FHIP1A: variants seen among roughly 807,000 people sequenced by gnomAD.
FHIP1A encodes the protein FHF complex subunit HOOK interacting protein 1A, also known as FHF complex subunit HOOK-interacting protein 1A.
A neutral mutation model predicts 88.6 loss-of-function variants in FHIP1A; 61 were observed. The observed-to-expected ratio is 0.69, with a 90% CI of 0.56 to 0.85. The LOEUF (loss-of-function observed/expected upper bound fraction) is 0.85. Among genes scored for constraint, FHIP1A ranks in the 40% least tolerant of loss-of-function variants. FHIP1A has a pLI of 0.00. For missense variants in FHIP1A, 1,154 were observed against 1,273.5 expected, an observed-to-expected ratio of 0.91 and a Z score of 1.43; for synonymous variants, 478 against 496.0, an observed-to-expected ratio of 0.96 and a Z score of 0.48.
intron 8 of FHIP1A, among the ~76,000 whole-genome samples, chr4:151,634,082 A>G (rs1000192895): frequency 6.6e-6 from 1 of 151,904 alleles, no homozygotes; most frequent in African/African-American, 2.4e-5. Context: ...CAGTAAAGTT[A>G]CAGGATACAA....
At chr4:151,574,124 A>C (rs151018848) in intron 4 of FHIP1A, among the ~76,000 whole-genome samples, 1 of 152,342 alleles carries the variant, frequency 6.6e-6, no homozygotes, top group African/African-American at 2.4e-5. Flanking sequence ...GAGAGAGGTT[A>C]AGGACATGTG....
intron 2 of FHIP1A, among the ~76,000 whole-genome samples, chr4:151,462,857 G>A (rs935320137): frequency 6.6e-6 from 1 of 152,164 alleles, no homozygotes; most frequent in Non-Finnish European, 1.5e-5. Flanking sequence ...GTCTTTTCTG[G>A]ATGGCTTATT....
At chr4:151,477,021 T>C (rs947704499) in intron 2 of FHIP1A, among the ~76,000 whole-genome samples, 9 of 152,184 alleles carry the variant, frequency 5.9e-5, no homozygotes, top group Non-Finnish European at 2.9e-5. Flanking sequence ...ATCATATTCT[T>C]GGATGTGAAG....
At chr4:151,588,185 G>C (rs1734290769) in intron 6 of FHIP1A, among the ~76,000 whole-genome samples, 1 of 151,724 alleles carries the variant, frequency 6.6e-6, no homozygotes, top group Non-Finnish European at 1.5e-5. Context: ...ATTTATGAAA[G>C]ATATTAGTAG....
rs13148647 is a variant in FHIP1A, at chr4:151,412,687, C to T, written c.-356+3222C>T. Among the ~76,000 whole-genome samples, 405 of 95,824 alleles carry T rather than the reference C, an allele frequency of 4.2e-3. 1 individual carries two copies. Among genetic ancestry groups the T allele is most frequent in the Admixed American group, 0.014 (111 of 8,144 alleles). 62.9% of individuals were successfully genotyped at this position (95,824 alleles called of 152,430 possible). ...TCTTTCTCTCTCTCTCTCTTTCTTTCTTTTTTTTTTTTTTTTGATGGAGTT... is the reference window on the plus strand; with the variant it reads ...TCTTTCTCTCTCTCTCTCTTTCTTTTTTTTTTTTTTTTTTTTGATGGAGTT... On this transcript the variant is annotated intron_variant, in intron 1 of 13. Coordinates refer to ENST00000435205, the MANE Select transcript of FHIP1A (RefSeq NM_001109977.3).
intron 3 of FHIP1A, among the ~76,000 whole-genome samples, chr4:151,512,661 G>A (rs960052602): frequency 4.6e-5 from 7 of 152,200 alleles, no homozygotes; most frequent in African/African-American, 1.7e-4. Flanking sequence ...GAATGCAGAA[G>A]CCTCAGGAGC....
intron 3 of FHIP1A, among the ~76,000 whole-genome samples, chr4:151,506,412 C>T (rs190767658): frequency 7.2e-5 from 11 of 152,194 alleles, no homozygotes; most frequent in African/African-American, 2.6e-4. Context: ...TAAAGAAATA[C>T]CTGAGGCCGA....
intron 3 of FHIP1A, among the ~76,000 whole-genome samples, chr4:151,504,711 T>C (rs1212571571): frequency 6.6e-6 from 1 of 152,126 alleles, no homozygotes; most frequent in Non-Finnish European, 1.5e-5. Context: ...AACCTCTGCC[T>C]CCTGGGTTCC....
At chr4:151,598,654 T>A (rs1487731558) in intron 7 of FHIP1A, among the ~76,000 whole-genome samples, 4 of 152,204 alleles carry the variant, frequency 2.6e-5, no homozygotes, top group African/African-American at 9.7e-5. Flanking sequence ...GTCTCATAAA[T>A]AATATAAATA....
intron 3 of FHIP1A, among the ~76,000 whole-genome samples, chr4:151,544,883 C>G (rs576355742): frequency 7.9e-5 from 12 of 152,062 alleles, no homozygotes; most frequent in Non-Finnish European, 1.8e-4. Flanking sequence ...TTGAGACCAG[C>G]CTGGGTAACA....
At chr4:151,575,487 G>T (rs994789401) in intron 4 of FHIP1A, among the ~76,000 whole-genome samples, 1 of 152,192 alleles carries the variant, frequency 6.6e-6, no homozygotes, top group African/African-American at 2.4e-5. Flanking sequence ...TTGTAGGATA[G>T]TGGGTGCACT....
At chr4:151,607,037 G>C (rs1214801696) in intron 7 of FHIP1A, among the ~76,000 whole-genome samples, 1 of 152,168 alleles carries the variant, frequency 6.6e-6, no homozygotes, top group South Asian at 2.1e-4. Flanking sequence ...GGGGAAGTTG[G>C]GGATTCTTAA....
intron 3 of FHIP1A, among the ~76,000 whole-genome samples, chr4:151,516,805 G>C (rs1001371687): frequency 6.6e-6 from 1 of 151,462 alleles, no homozygotes; most frequent in Non-Finnish European, 1.5e-5. Context: ...GGAAACAACA[G>C]GTGCTGGAGA....
At chr4:151,446,152 A>G (rs2724578) in intron 1 of FHIP1A, among the ~76,000 whole-genome samples, 78,703 of 151,408 alleles carry the variant, frequency 0.52, 20,768 homozygotes, top group African/African-American at 0.55. Flanking sequence ...CCCATCTTGG[A>G]CAACACATGG....
At chr4:151,414,207 T>G (rs1191902804) in intron 1 of FHIP1A, among the ~76,000 whole-genome samples, 1 of 151,998 alleles carries the variant, frequency 6.6e-6, no homozygotes, top group Non-Finnish European at 1.5e-5. Context: ...TGCGCCACCA[T>G]GCCCGGCTAA....
chr4:151,660,770 G>T (rs917250086), intron 13 of FHIP1A, among the ~76,000 whole-genome samples: 1 of 152,156 alleles, frequency 6.6e-6, no homozygotes. Context: ...ACTTCTGGGG[G>T]CAGGAAACTG....
At chr4:151,613,189 C>T (rs1045220213) in intron 7 of FHIP1A, among the ~76,000 whole-genome samples, 1 of 152,126 alleles carries the variant, frequency 6.6e-6, no homozygotes, top group Admixed American at 6.5e-5. Context: ...TCTTTCCATC[C>T]TAGTTGGGAA....
intron 3 of FHIP1A, among the ~76,000 whole-genome samples, chr4:151,547,693 C>A (rs1405268533): frequency 1.3e-5 from 2 of 152,124 alleles, no homozygotes; most frequent in Non-Finnish European, 2.9e-5. Context: ...GCGGGCGGAT[C>A]ACCTGAGTTC....
rs1431630851 is a variant in FHIP1A at position 151,516,887 on chromosome 4, A to G, written c.-123+34239A>G. Among the ~76,000 whole-genome samples, 80 of 152,122 alleles carry G rather than the reference A, an allele frequency of 5.3e-4. 3 individuals carry two copies. In the South Asian group the frequency reaches 0.016, roughly 31 times the overall value. Reference sequence around the variant, plus strand: ...AACTAGTTCAACCATTGTGGAAGTCAGTGTGGTGATTCCTCAGGGATCTAG... The same window carrying G: ...AACTAGTTCAACCATTGTGGAAGTCGGTGTGGTGATTCCTCAGGGATCTAG... On this transcript the variant is annotated intron_variant, in intron 3 of 13. Transcript: ENST00000435205.
Sources: allele counts gnomAD v4.1 joint callset (sites outside exome capture counted in the v4.1 genomes callset), GRCh38; gene constraint gnomAD v4.1.1; transcripts MANE v1.5; gene names NCBI Gene and HGNC (gene_info 2026-07-23, HGNC 2026-07-21).